The following FOXP1 variants were observed in gnomAD, a reference collection of about 807,000 sequenced individuals.
The protein encoded by FOXP1 is forkhead box protein P1.
FOXP1 carries 15 observed loss-of-function variants against 98.2 expected under a neutral mutation model. That is an observed-to-expected ratio of 0.15 (90% CI 0.10 to 0.24). The LOEUF is 0.24. Ranked by LOEUF, FOXP1 falls within the 10% of genes least tolerant of loss-of-function variation. FOXP1 has a pLI of 1.00. For missense variants in FOXP1, 633 were observed against 848.5 expected (o/e 0.75, Z 3.15); for synonymous variants, 371 against 314.5 (o/e 1.18, Z -1.90).
chr3:71,397,740 T>C (rs1391545796), intron 3 of FOXP1, among the ~76,000 whole-genome samples: 1 of 152,246 alleles, frequency 6.6e-6, no homozygotes, highest in East Asian at 1.9e-4. Context: ...AGAGTTAATC[T>C]AGAAACCTTT....
intron 7 of FOXP1, among the ~76,000 whole-genome samples, chr3:71,059,659 TG>T (rs1478006773): frequency 1.3e-5 from 2 of 152,090 alleles, no homozygotes; most frequent in East Asian, 1.9e-4. Flanking sequence ...CTCCTGTAGC[TG>T]GGATGGAAAA....
chr3:71,216,936 A>T (rs1222505143), intron 5 of FOXP1, among the ~76,000 whole-genome samples: 4 of 152,118 alleles, frequency 2.6e-5, no homozygotes, highest in East Asian at 1.9e-4. Flanking sequence ...GAGGCTGGGG[A>T]TGCTGTCGGA....
At chr3:70,963,817 G>GT (rs1262058186) in intron 20 of FOXP1, among the ~76,000 whole-genome samples, 1 of 152,192 alleles carries the variant, frequency 6.6e-6, no homozygotes, top group Non-Finnish European at 1.5e-5. Context: ...ACTTTCTAGT[G>GT]TTTCAAAGGA....
intron 5 of FOXP1, among the ~76,000 whole-genome samples, chr3:71,214,865 T>A (rs1283583721): frequency 6.6e-6 from 1 of 152,160 alleles, no homozygotes; most frequent in East Asian, 1.9e-4. Flanking sequence ...GTACAAGGGA[T>A]CTGTCTCATG....
intron 5 of FOXP1, among the ~76,000 whole-genome samples, chr3:71,278,370 T>C (rs1384609828): frequency 1.3e-5 from 2 of 152,198 alleles, no homozygotes; most frequent in African/African-American, 4.8e-5. Flanking sequence ...CACTGGACAG[T>C]AGGCTACAAA....
intron 5 of FOXP1, among the ~76,000 whole-genome samples, chr3:71,213,550 C>T (rs2064669548): frequency 6.6e-6 from 1 of 152,192 alleles, no homozygotes; most frequent in Admixed American, 6.5e-5. Flanking sequence ...GGCATGGTGG[C>T]TCACGCCTGT....
rs6764312 is a variant in FOXP1 at position 71,524,816 on chromosome 3, C to T, written c.-297-31261G>A. Reference sequence around the variant, plus strand: ...ACCTCAAGATATCTACTTGACCCCACAGAAATGCAGACTTGCCTGCTATAA... The same window carrying T: ...ACCTCAAGATATCTACTTGACCCCATAGAAATGCAGACTTGCCTGCTATAA... On this transcript the variant is annotated intron_variant, in intron 2 of 20. Transcript: ENST00000649528. 6.5e-3 allele frequency among the ~76,000 whole-genome samples: 997 copies of T among 152,300 alleles called. 11 individuals carry two copies. Among genetic ancestry groups the T allele is most frequent in the African/African-American group, 0.018 (768 of 41,552 alleles).
intron 3 of FOXP1, among the ~76,000 whole-genome samples, chr3:71,401,216 C>T (rs2081940460): frequency 6.6e-6 from 1 of 152,114 alleles, no homozygotes; most frequent in Non-Finnish European, 1.5e-5. Flanking sequence ...CCCTGGGTAC[C>T]AACAGTTCAA....
intron 14 of FOXP1, among the ~76,000 whole-genome samples, chr3:70,986,607 C>T (rs1640453388): frequency 6.6e-6 from 1 of 152,172 alleles, no homozygotes. Flanking sequence ...AGAGGCTCAC[C>T]ATTTTGCTTA....
intron 7 of FOXP1, chr3:71,064,875 C>T: frequency 1.0e-6 from 1 of 956,256 alleles, no homozygotes; most frequent in Non-Finnish European, 1.2e-6. Context: ...TCGGGGCGCC[C>T]GCGCGGGCCG....
intron 3 of FOXP1, among the ~76,000 whole-genome samples, chr3:71,427,371 T>C (rs951321511): frequency 2.0e-5 from 3 of 152,098 alleles, no homozygotes; most frequent in Non-Finnish European, 4.4e-5. Flanking sequence ...TCAGTGATAT[T>C]AGAGGTATCC....
chr3:71,149,336 AT>A (rs2060464561), intron 6 of FOXP1, among the ~76,000 whole-genome samples: 2 of 152,180 alleles, frequency 1.3e-5, no homozygotes, highest in South Asian at 4.1e-4. Context: ...CACATTGTAT[AT>A]TGTATTTAAT....
intron 5 of FOXP1, among the ~76,000 whole-genome samples, chr3:71,297,961 A>C (rs1305709216): frequency 6.6e-6 from 1 of 152,116 alleles, no homozygotes; most frequent in Non-Finnish European, 1.5e-5. Context: ...GTAGGAGATG[A>C]GTTAGACATG....
At chr3:71,288,927 A>G (rs940273853) in intron 5 of FOXP1, among the ~76,000 whole-genome samples, 2 of 152,216 alleles carry the variant, frequency 1.3e-5, no homozygotes, top group African/African-American at 2.4e-5. Flanking sequence ...AAGGTCATCA[A>G]TGACTTCCAT....
chr3:71,397,023 T>TACAC (rs1419873300), intron 3 of FOXP1, among the ~76,000 whole-genome samples: 4 of 24,062 alleles, frequency 1.7e-4, no homozygotes, highest in South Asian at 8.5e-4. Flanking sequence ...TATATATATA[T>TACAC]ACATATATAT....
intron 11 of FOXP1, among the ~76,000 whole-genome samples, chr3:71,027,880 T>C (rs9858444): frequency 0.21 from 32,371 of 152,098 alleles, 7,680 homozygotes; most frequent in African/African-American, 0.59. Flanking sequence ...TCAAGTTTGG[T>C]GGTCACTGGC....
At chr3:71,552,074 C>T (rs949998893) in intron 2 of FOXP1, among the ~76,000 whole-genome samples, 1 of 152,100 alleles carries the variant, frequency 6.6e-6, no homozygotes, top group South Asian at 2.1e-4. Context: ...GATAACAAAA[C>T]AAAATCCACC....
chr3:71,262,528 A>AG (rs1054958165), intron 5 of FOXP1, among the ~76,000 whole-genome samples: 2 of 152,100 alleles, frequency 1.3e-5, no homozygotes, highest in African/African-American at 4.8e-5. Flanking sequence ...GCCCTTTAAA[A>AG]GAAAAAAAAA....
At chr3:70,994,822 G>T (rs1244000125) in intron 13 of FOXP1, among the ~76,000 whole-genome samples, 1 of 152,146 alleles carries the variant, frequency 6.6e-6, no homozygotes, top group Non-Finnish European at 1.5e-5. Context: ...AGAGGCTGAG[G>T]GGTTGTAGGG....
Sources: gnomAD v4.1 joint callset for allele counts (sites outside exome capture counted in the v4.1 genomes callset) on GRCh38, gnomAD v4.1.1 for gene constraint, MANE v1.5 for transcripts, NCBI Gene and HGNC (gene_info 2026-07-23, HGNC 2026-07-21) for gene names.